The following SHANK2 variants were observed in gnomAD, a reference collection of about 807,000 sequenced individuals.
SHANK2 encodes the protein SH3 and multiple ankyrin repeat domains protein 2.
Under a neutral mutation model 133.7 loss-of-function variants are expected in SHANK2, and 43 were observed. The ratio of observed to expected loss-of-function variants is 0.32; its 90% CI spans 0.25 to 0.41. The LOEUF (loss-of-function observed/expected upper bound fraction) is 0.41, where lower values mean the gene tolerates loss of function less well. Ranked by LOEUF, SHANK2 falls within the 10% of genes least tolerant of loss-of-function variation. The probability of loss-of-function intolerance (pLI) is 1.00; values close to 1 mark genes in which losing one functional copy is unlikely to be tolerated. For missense variants in SHANK2, 1,994 were observed against 2,235.8 expected (o/e 0.89, Z 2.18); for synonymous variants, 1,017 against 952.8 (o/e 1.07, Z -1.24).
rs1555080540 is a variant in SHANK2, at chr11:70,920,541, TA to T, written c.1108-23975del. 2.6e-5 allele frequency among the ~76,000 whole-genome samples: 4 copies of T among 152,222 alleles called. 1 individual carries two copies. The highest frequency in any genetic ancestry group is 4.1e-4 in the South Asian group (2 of 4,830). The stretch of plus-strand genomic sequence containing the variant: ...AGAATTACAAACCAAAATTAAAATT[TA>T]AAAAGCAAGTCATTAAAAATCAAAA... On this transcript the variant is annotated intron_variant, in intron 10 of 25. Transcript: ENST00000601538.
Position 70,573,035 on chromosome 11 carries a change from G to A in SHANK2, c.2062-70104C>T, listed in dbSNP as rs78149954. 3.5e-3 allele frequency among the ~76,000 whole-genome samples: 531 copies of A among 152,212 alleles called. 1 individual carries two copies. The highest frequency in any genetic ancestry group is 0.012 in the African/African-American group (498 of 41,520). ...ACTGGTCACCAAATTGTGGGCCATC[G>A]ACATGATGACGGCCCATCACTCGGC... On this transcript the variant is annotated intron_variant, in intron 17 of 25. Transcript: ENST00000601538.
At chr11:70,614,023 C>T (rs2060703200) in intron 17 of SHANK2, among the ~76,000 whole-genome samples, 1 of 152,120 alleles carries the variant, frequency 6.6e-6, no homozygotes, top group Admixed American at 6.5e-5. Flanking sequence ...CTTCTGCCTC[C>T]CAAAGTGCTG....
At chr11:70,676,907 T>G (rs1944914969) in intron 15 of SHANK2, among the ~76,000 whole-genome samples, 1 of 152,170 alleles carries the variant, frequency 6.6e-6, no homozygotes, top group African/African-American at 2.4e-5. Context: ...CAAATGAACT[T>G]TGGTTCAGAA....
intron 10 of SHANK2, among the ~76,000 whole-genome samples, chr11:70,898,705 G>T (rs1284292629): frequency 6.6e-6 from 1 of 152,204 alleles, no homozygotes; most frequent in East Asian, 1.9e-4. Context: ...CAAAAGGAGA[G>T]AAATGAATCG....
intron 14 of SHANK2, among the ~76,000 whole-genome samples, chr11:70,743,246 G>A (rs926600969): frequency 7.2e-5 from 11 of 152,118 alleles, no homozygotes; most frequent in African/African-American, 1.9e-4. Flanking sequence ...GCACGTCTGC[G>A]TGCCCCCCCC....
intron 15 of SHANK2, among the ~76,000 whole-genome samples, chr11:70,688,412 C>T (rs967701818): frequency 3.3e-5 from 5 of 152,168 alleles, no homozygotes; most frequent in South Asian, 2.1e-4. Flanking sequence ...CACCTAATTT[C>T]GTGCACCTAA....
chr11:71,231,522 A>C (rs1954741317), intron 1 of SHANK2, among the ~76,000 whole-genome samples: 1 of 152,220 alleles, frequency 6.6e-6, no homozygotes, highest in Admixed American at 6.5e-5. Flanking sequence ...CAGTTCCTTA[A>C]AAACCTAAAT....
chr11:70,823,017 T>C (rs1315636469), intron 11 of SHANK2, among the ~76,000 whole-genome samples: 1 of 111,366 alleles, frequency 9.0e-6, no homozygotes, highest in Non-Finnish European at 1.8e-5. Context: ...TTGGCAGAGT[T>C]CATGGGGGAC....
At chr11:70,883,750 C>T (rs1031112331) in intron 11 of SHANK2, among the ~76,000 whole-genome samples, 4 of 152,206 alleles carry the variant, frequency 2.6e-5, no homozygotes, top group African/African-American at 4.8e-5. Flanking sequence ...CACGTGGAAA[C>T]AAGACCCGGC....
At chr11:70,624,432 C>T (rs1232878586) in intron 17 of SHANK2, among the ~76,000 whole-genome samples, 1 of 151,972 alleles carries the variant, frequency 6.6e-6, no homozygotes, top group South Asian at 2.1e-4. Flanking sequence ...GAGAGAGGAA[C>T]AACCATCCCC....
At position 70,798,495 on chromosome 11, in the gene SHANK2, A is replaced by G. The variant is rs754402775; in HGVS notation, c.1725T>C (p.Phe575=). ...GGACCTCCTCCACGCACTCCGCCGG[A>G]AACCATCCGATGTGGCCGCGGGCGC... The part of the protein sequence containing the change: ...EGSARGHIGW[F]PAECVEEVQC... Residue 575 remains phenylalanine (F), a synonymous_variant, in exon 14 of 26, where the codon TTT becomes TTC. Transcript: ENST00000601538. 2.2e-5 allele frequency: 16 copies of G among 718,496 alleles called. No individual in the cohort carries two copies. Among genetic ancestry groups the G allele is most frequent in the Non-Finnish European group, 4.2e-5 (16 of 385,108 alleles). 44.5% of individuals were successfully genotyped at this position (718,496 alleles called of 1,614,324 possible).
Position 71,248,804 on chromosome 11 carries a change from C to G in SHANK2, c.-113+3621G>C, listed in dbSNP as rs189683006. Among the ~76,000 whole-genome samples, 482 of 152,262 alleles carry G rather than the reference C, an allele frequency of 3.2e-3. 3 individuals are homozygous for G. The highest frequency in any genetic ancestry group is 0.011 in the African/African-American group (466 of 41,546). ...CCTCTTCCAAGGGTTTGTATCCCCCCACCCCACCCCACGCTGGGTTGGGGA... is the reference window on the plus strand; with the variant it reads ...CCTCTTCCAAGGGTTTGTATCCCCCGACCCCACCCCACGCTGGGTTGGGGA... On this transcript the variant is annotated intron_variant, in intron 1 of 25. Coordinates refer to ENST00000601538, the MANE Select transcript of SHANK2 (RefSeq NM_012309.5).
chr11:70,497,990 T>C (rs2058995307), intron 21 of SHANK2, among the ~76,000 whole-genome samples: 1 of 152,250 alleles, frequency 6.6e-6, no homozygotes, highest in Non-Finnish European at 1.5e-5. Flanking sequence ...GCCTGTTGAC[T>C]CTTCAGAACC....
rs545313668 is a variant in SHANK2, at chr11:70,686,478, T to C, written c.1853+12210A>G. Among the ~76,000 whole-genome samples, 86 of 152,002 alleles carry C rather than the reference T, an allele frequency of 5.7e-4. No individual in the cohort carries two copies. The Middle Eastern group carries it at 0.017, about 30-fold the overall frequency. ...CACCCATCCAGCTCCCCATCTATCC[T>C]TCCTTCCTTCCAGCCATCCATCATC... On this transcript the variant is annotated intron_variant, in intron 15 of 25. Transcript: ENST00000601538.
intron 2 of SHANK2, among the ~76,000 whole-genome samples, chr11:71,222,286 G>A (rs1395050020): frequency 5.3e-5 from 8 of 152,172 alleles, no homozygotes; most frequent in African/African-American, 1.7e-4. Context: ...CCCAGCCTTC[G>A]TGAGTTGCCC....
intron 11 of SHANK2, among the ~76,000 whole-genome samples, chr11:70,890,691 C>T (rs543470526): frequency 2.8e-4 from 42 of 151,268 alleles, no homozygotes; most frequent in Non-Finnish European, 4.4e-4. Flanking sequence ...CCTACCTACT[C>T]GGGAGGCTGA....
intron 2 of SHANK2, among the ~76,000 whole-genome samples, chr11:71,162,013 C>G (rs1953029658): frequency 3.3e-5 from 5 of 152,194 alleles, no homozygotes; most frequent in Admixed American, 3.3e-4. Context: ...AACAGCCTCT[C>G]CTTACACTGA....
At chr11:70,694,084 G>T (rs1555021695) in intron 15 of SHANK2, among the ~76,000 whole-genome samples, 2 of 152,200 alleles carry the variant, frequency 1.3e-5, no homozygotes, top group Admixed American at 1.3e-4. Flanking sequence ...CCATGATGAG[G>T]CTGGGGATTT....
chr11:70,778,009 A>T (rs1947402154), intron 14 of SHANK2, among the ~76,000 whole-genome samples: 1 of 152,194 alleles, frequency 6.6e-6, no homozygotes, highest in South Asian at 2.1e-4. Context: ...TAATGACAGG[A>T]GAGCTAGCTT....
Sources: gnomAD v4.1 joint callset for allele counts (sites outside exome capture counted in the v4.1 genomes callset) on GRCh38, gnomAD v4.1.1 for gene constraint, MANE v1.5 for transcripts, NCBI Gene and HGNC (gene_info 2026-07-23, HGNC 2026-07-21) for gene names.